Variants in CCDC38 observed in about 807,000 individuals in gnomAD.
CCDC38 encodes the protein coiled-coil domain containing 38.
CCDC38 carries 69 observed loss-of-function variants against 72.8 expected under a neutral mutation model. The observed-to-expected ratio is 0.95, with a 90% confidence interval of 0.78 to 1.16. The LOEUF (loss-of-function observed/expected upper bound fraction) is 1.16, where lower values mean the gene tolerates loss of function less well. CCDC38 is among the 50% of genes most tolerant of loss of function. CCDC38 has a pLI of 0.00. For missense variants in CCDC38, 626 were observed against 638.9 expected (o/e 0.98, Z 0.22); for synonymous variants, 201 against 213.2 (o/e 0.94, Z 0.50).
rs1239351068 is a variant in CCDC38 at position 95,898,609 on chromosome 12, G to A, written c.492C>T (p.Phe164=). 2 of 1,614,032 alleles carry A rather than the reference G, an allele frequency of 1.2e-6. No individual in the cohort carries two copies. Among genetic ancestry groups the A allele is most frequent in the Admixed American group, 1.7e-5 (1 of 59,998 alleles). The change falls in exon 6 of 16, where the codon TTC becomes TTT. Residue 164 remains phenylalanine, a synonymous_variant. Coordinates refer to ENST00000344280, the MANE Select transcript of CCDC38 (RefSeq NM_182496.3). The part of the protein sequence containing the change: ...LQDDALAFEE[F]LRENDQRSVD... ...CAGATCTCTGGTCATTTTCTCGAAGGAACTCTTCAAAGGCCAGTGCATCAT... is the reference window on the plus strand; with the variant it reads ...CAGATCTCTGGTCATTTTCTCGAAGAAACTCTTCAAAGGCCAGTGCATCAT...
chr12:95,876,946 T>G (rs2079642676), intron 13 of CCDC38, among the ~76,000 whole-genome samples: 1 of 152,178 alleles, frequency 6.6e-6, no homozygotes, highest in Non-Finnish European at 1.5e-5. Context: ...ATACAAAGGC[T>G]GGAATGTAAC....
At chr12:95,902,581 A>G (rs193287304) in intron 5 of CCDC38, among the ~76,000 whole-genome samples, 127 of 152,302 alleles carry the variant, frequency 8.3e-4, no homozygotes, top group Admixed American at 1.4e-3. Context: ...AGTAGTAATC[A>G]GTTATGTTGA....
intron 2 of CCDC38, among the ~76,000 whole-genome samples, chr12:95,925,753 G>T (rs2080263110): frequency 6.6e-6 from 1 of 151,904 alleles, no homozygotes; most frequent in South Asian, 2.1e-4. Flanking sequence ...AGCCTGAAGG[G>T]TTGTTGAATT....
intron 5 of CCDC38, among the ~76,000 whole-genome samples, chr12:95,905,372 A>G (rs2079990766): frequency 6.6e-6 from 1 of 152,330 alleles, no homozygotes; most frequent in Admixed American, 6.5e-5. Context: ...CTGAAATCCT[A>G]GTGTATCTGT....
At position 95,891,331 on chromosome 12, in the gene CCDC38, A is replaced by C. The variant is rs531998032; in HGVS notation, c.773-401T>G. Among the ~76,000 whole-genome samples, 5 of 152,170 alleles carry C rather than the reference A, an allele frequency of 3.3e-5. No homozygotes were observed. The East Asian group carries it at 9.6e-4, about 29-fold the overall frequency. On this transcript the variant is annotated intron_variant, in intron 8 of 15. Transcript: ENST00000344280. ...CATTCTCTATTTGGATCATGAACCGAGATGAAATTTTTTATTTTATTTTAT... is the reference window on the plus strand; with the variant it reads ...CATTCTCTATTTGGATCATGAACCGCGATGAAATTTTTTATTTTATTTTAT...
At chr12:95,870,101 A>G (rs2079565203) in intron 14 of CCDC38, among the ~76,000 whole-genome samples, 1 of 152,148 alleles carries the variant, frequency 6.6e-6, no homozygotes, top group Non-Finnish European at 1.5e-5. Context: ...AGCACTTTAC[A>G]GATAGTTTGT....
chr12:95,911,800 A>T (rs971780901), intron 4 of CCDC38, among the ~76,000 whole-genome samples: 12 of 152,242 alleles, frequency 7.9e-5, no homozygotes, highest in Admixed American at 1.3e-4. Context: ...TGTGGAAAGC[A>T]GTTTGGAGGT....
At chr12:95,891,082 A>G in intron 8 of CCDC38, 152 bp from the exon 9 acceptor site, 1 of 559,968 alleles carries the variant, frequency 1.8e-6, no homozygotes, top group Non-Finnish European at 3.2e-6. Context: ...TCAACCAGCA[A>G]ACGTGATATG....
At chr12:95,873,625 C>A (rs1452314075) in intron 13 of CCDC38, among the ~76,000 whole-genome samples, 2 of 152,206 alleles carry the variant, frequency 1.3e-5, no homozygotes, top group East Asian at 3.8e-4. Flanking sequence ...AAGAGCTCAA[C>A]AAACTGCTGG....
chr12:95,867,229 G>T (rs1204878735), intron 15 of CCDC38, 40 bp from the exon 16 acceptor site: 2 of 1,053,806 alleles, frequency 1.9e-6, no homozygotes, highest in East Asian at 2.4e-5. Context: ...TATTTTTTGA[G>T]CATAGCCATT....
In CCDC38 at chr12:95,872,320, G is replaced by A. The variant is rs369322258; in HGVS notation, c.1419C>T (p.Ile473=). 42 of 1,613,994 alleles carry A rather than the reference G, an allele frequency of 2.6e-5. No homozygotes were observed. The South Asian group carries it at 4.3e-4, about 16-fold the overall frequency. ...CCACATTTTCTTTGGGAATGGATTC[G>A]ATGAGGTCACACAGTTCTACCAGGC... ...ESRLVELCDL[I]ESIPKENVEA... Residue 473 remains isoleucine, a synonymous_variant, in exon 14 of 16, where the codon ATC becomes ATT. Coordinates refer to ENST00000344280, the MANE Select transcript of CCDC38 (RefSeq NM_182496.3).
At chr12:95,923,605 A>G (rs927215030) in intron 2 of CCDC38, among the ~76,000 whole-genome samples, 2 of 151,894 alleles carry the variant, frequency 1.3e-5, no homozygotes, top group South Asian at 4.2e-4. Flanking sequence ...GGTTAGTTAC[A>G]TATGTATACA....
At chr12:95,884,170 G>A (rs2079731494) in intron 10 of CCDC38, among the ~76,000 whole-genome samples, 1 of 152,130 alleles carries the variant, frequency 6.6e-6, no homozygotes, top group Admixed American at 6.6e-5. Flanking sequence ...TGACATAATG[G>A]TCTACTTAGA....
At chr12:95,881,137 C>T (rs2079695483) in intron 11 of CCDC38, among the ~76,000 whole-genome samples, 1 of 151,630 alleles carries the variant, frequency 6.6e-6, no homozygotes, top group Non-Finnish European at 1.5e-5. Flanking sequence ...TTGTTGAAGG[C>T]CTATTTATTT....
chr12:95,880,585 G>A (rs535837738), intron 11 of CCDC38, among the ~76,000 whole-genome samples: 21 of 152,016 alleles, frequency 1.4e-4, no homozygotes, highest in Non-Finnish European at 2.4e-4. Context: ...CTCAGGAGGC[G>A]GAGGTTTCAG....
intron 4 of CCDC38, 23 bp from the exon 5 acceptor site, chr12:95,906,474 CTT>C: frequency 2.6e-6 from 4 of 1,567,034 alleles, no homozygotes; most frequent in Non-Finnish European, 3.5e-6. Context: ...TTGAAATAGA[CTT>C]AAGTTTAGTT....
At chr12:95,904,034 A>G (rs532593545) in intron 5 of CCDC38, among the ~76,000 whole-genome samples, 43 of 150,338 alleles carry the variant, frequency 2.9e-4, no homozygotes, top group African/African-American at 1.1e-3. Flanking sequence ...GAAGTTTTTT[A>G]CCTGTAAGTT....
chr12:95,940,965 A>T (rs2080444522), intron 1 of CCDC38, among the ~76,000 whole-genome samples: 1 of 152,202 alleles, frequency 6.6e-6, no homozygotes, highest in African/African-American at 2.4e-5. Context: ...AGATAATGTG[A>T]AAAGTATTTT....
intron 1 of CCDC38, among the ~76,000 whole-genome samples, chr12:95,938,901 G>A (rs1002065107): frequency 7.9e-5 from 12 of 152,308 alleles, no homozygotes; most frequent in South Asian, 2.1e-4. Flanking sequence ...TTAAATACAC[G>A]TTCACATCCA....
Sources: gnomAD v4.1 joint callset for allele counts (sites outside exome capture counted in the v4.1 genomes callset) on GRCh38, gnomAD v4.1.1 for gene constraint, MANE v1.5 for transcripts, NCBI Gene and HGNC (gene_info 2026-07-23, HGNC 2026-07-21) for gene names.